The following DUSP16 variants were observed in gnomAD, a reference collection of about 807,000 sequenced individuals.
The protein encoded by DUSP16 is dual specificity protein phosphatase 16.
A neutral mutation model predicts 58.3 loss-of-function variants in DUSP16; 21 were observed. The ratio of observed to expected loss-of-function variants is 0.36; its 90% CI spans 0.26 to 0.52. DUSP16 has a LOEUF of 0.52. Ranked by LOEUF, DUSP16 falls within the 20% of genes least tolerant of loss-of-function variation. The pLI, the probability that DUSP16 is intolerant of heterozygous loss-of-function variation, is 0.94. For synonymous variants in DUSP16, 320 were observed against 323.8 expected, an observed-to-expected ratio of 0.99 and a Z score of 0.12; for missense variants, 726 against 819.0, an observed-to-expected ratio of 0.89 and a Z score of 1.39.
At chr12:12,542,799 C>A (rs7963695) in intron 1 of DUSP16, among the ~76,000 whole-genome samples, 9,598 of 152,118 alleles carry the variant, frequency 0.063, 439 homozygotes, top group East Asian at 0.19. Context: ...TATGCAAGAC[C>A]AAATATTTGT....
chr12:12,548,954 T>C (rs1566054177), intron 1 of DUSP16, among the ~76,000 whole-genome samples: 1 of 152,038 alleles, frequency 6.6e-6, no homozygotes, highest in Non-Finnish European at 1.5e-5. Context: ...GAGACTAGGG[T>C]GACAGACCCC....
At chr12:12,518,877 A>C (rs532196654) in intron 3 of DUSP16, among the ~76,000 whole-genome samples, 1 of 152,240 alleles carries the variant, frequency 6.6e-6, no homozygotes, top group Non-Finnish European at 1.5e-5. Flanking sequence ...TAGAGAACTG[A>C]GGAAAAGCTT....
chr12:12,545,175 A>C (rs1397211602), intron 1 of DUSP16, among the ~76,000 whole-genome samples: 1 of 152,224 alleles, frequency 6.6e-6, no homozygotes, highest in Non-Finnish European at 1.5e-5. Context: ...TGCTATTATA[A>C]ACAGCATCTA....
chr12:12,517,443 T>C (rs1944170431), intron 3 of DUSP16, among the ~76,000 whole-genome samples: 1 of 152,188 alleles, frequency 6.6e-6, no homozygotes. Flanking sequence ...TAAGAAACTT[T>C]TGTCAATATG....
Position 12,477,148 on chromosome 12 carries a change from T to C in DUSP16, c.1683A>G (p.Thr561=), listed in dbSNP as rs759291388. 9.3e-6 allele frequency: 15 copies of C among 1,614,190 alleles called. No homozygotes were observed. The South Asian group carries it at 1.3e-4, about 14-fold the overall frequency. ...PSLTSSWYFA[T]ESSHFYSASA... is the part of the protein sequence containing the mutation. ...AGGCAGAGTAGAAGTGTGAGGACTC[T>C]GTGGCAAAATACCAGCTGCTGGTCA... Residue 561 remains threonine (T), a synonymous_variant, in exon 7 of 7, where the codon ACA becomes ACG. Coordinates refer to ENST00000298573, the MANE Select transcript of DUSP16 (RefSeq NM_030640.3). This position sits in a 1 kb window ranked among gnomAD's most constrained non-coding sequence, Gnocchi z 4.1.
intron 3 of DUSP16, among the ~76,000 whole-genome samples, chr12:12,503,501 T>C (rs964627056): frequency 6.6e-6 from 1 of 152,068 alleles, no homozygotes; most frequent in African/African-American, 2.4e-5. Context: ...TTTGTTACGG[T>C]GATCAAACAT....
chr12:12,504,167 C>T (rs1019023290), intron 3 of DUSP16, among the ~76,000 whole-genome samples: 10 of 152,208 alleles, frequency 6.6e-5, no homozygotes, highest in Non-Finnish European at 1.5e-4. Flanking sequence ...GCTTTTCTTA[C>T]ACCTACCCAA....
At chr12:12,541,583 T>A (rs776481463) in intron 1 of DUSP16, among the ~76,000 whole-genome samples, 1 of 152,114 alleles carries the variant, frequency 6.6e-6, no homozygotes, top group Non-Finnish European at 1.5e-5. Context: ...GAGCTGTCTG[T>A]CTAGACCCAT....
intron 1 of DUSP16, among the ~76,000 whole-genome samples, chr12:12,556,879 C>T (rs1331005376): frequency 6.6e-6 from 1 of 152,102 alleles, no homozygotes; most frequent in African/African-American, 2.4e-5. Flanking sequence ...CATCCCTTAC[C>T]CTATTTTACC....
chr12:12,534,908 AT>A (rs1944443648), intron 1 of DUSP16, among the ~76,000 whole-genome samples: 2 of 152,216 alleles, frequency 1.3e-5, no homozygotes, highest in South Asian at 4.1e-4. Context: ...TCAATTCAAT[AT>A]TTTACATTTA....
rs532483880 is a variant in DUSP16, at chr12:12,559,422, T to C, written c.-366+2695A>G. 2.0e-3 allele frequency among the ~76,000 whole-genome samples: 306 copies of C among 152,358 alleles called. 1 individual carries two copies. The highest frequency in any genetic ancestry group is 2.4e-3 in the Non-Finnish European group (162 of 68,030). ...TCCTCTAAGTTATCTCCTTATTTTC[T>C]TGGGATTCTGATCCAAATCAGTTCA... On this transcript the variant is annotated intron_variant, in intron 1 of 6. Coordinates refer to ENST00000298573, the MANE Select transcript of DUSP16 (RefSeq NM_030640.3).
At chr12:12,523,131 G>A (rs1246552568) in intron 1 of DUSP16, among the ~76,000 whole-genome samples, 1 of 152,200 alleles carries the variant, frequency 6.6e-6, no homozygotes, top group East Asian at 1.9e-4. Context: ...ATAAAGAGAT[G>A]TAGCTTTGCC....
chr12:12,480,163 A>T, intron 6 of DUSP16, 60 bp downstream of exon 6: 1 of 1,591,042 alleles, frequency 6.3e-7, no homozygotes. Context: ...CATCCTCATC[A>T]TTCTTTATGT....
intron 1 of DUSP16, 66 bp from the exon 2 acceptor site, chr12:12,521,529 TAG>T (rs1475068472): frequency 2.2e-5 from 15 of 684,240 alleles, no homozygotes; most frequent in African/African-American, 9.7e-5. Context: ...AGTGTCAGAT[TAG>T]AGAGAGTGTA....
In DUSP16 at chr12:12,536,746, C is replaced by CA. The variant is rs532644437; in HGVS notation, c.-365-15284dup. Among the ~76,000 whole-genome samples, 1,187 of 140,048 alleles carry CA rather than the reference C, an allele frequency of 8.5e-3. 5 individuals carry two copies. Among genetic ancestry groups the CA allele is most frequent in the South Asian group, 0.021 (84 of 3,932 alleles). 91.9% of individuals were successfully genotyped at this position (140,048 alleles called of 152,430 possible). A position where few individuals can be genotyped will look rare whatever the true frequency, so the allele number is the denominator to read the frequency against. On this transcript the variant is annotated intron_variant, in intron 1 of 6. Transcript: ENST00000298573. ...GGGCAACAAGAACGAAACTCCATCT[C>CA]AAAAAAAAAACGCCGATGCGGTGGC...
intron 1 of DUSP16, among the ~76,000 whole-genome samples, chr12:12,559,319 C>G (rs1235879940): frequency 6.6e-6 from 1 of 152,174 alleles, no homozygotes; most frequent in Non-Finnish European, 1.5e-5. Context: ...AATCAAGCAC[C>G]AACTATGGTT....
chr12:12,495,773 GCATTTGCCCATC>G (rs1399156041), intron 4 of DUSP16, among the ~76,000 whole-genome samples: 15 of 152,254 alleles, frequency 9.9e-5, no homozygotes, highest in African/African-American at 3.6e-4. Flanking sequence ...GACTAATTTT[GCATTTGCCCATC>G]CATTTGCCTT....
At position 12,474,974 on chromosome 12, in the gene DUSP16, T is replaced by G. The variant is rs1410713910; in HGVS notation, c.*1859A>C. On this transcript the variant is annotated 3_prime_UTR_variant, in exon 7 of 7. Transcript: ENST00000298573. ...ACAATGCGGCTGACCCTCTTCTGCC[T>G]TCACTTTACACCCCATCATAGCACA... 1 of 152,208 alleles carries G rather than the reference T, an allele frequency of 6.6e-6. No individual in the cohort carries two copies. The highest frequency in any genetic ancestry group is 2.4e-5 in the African/African-American group (1 of 41,438). 9.4% of individuals were successfully genotyped at this position (152,208 alleles called of 1,614,324 possible).
chr12:12,525,534 G>C (rs1302458203), intron 1 of DUSP16, among the ~76,000 whole-genome samples: 1 of 151,910 alleles, frequency 6.6e-6, no homozygotes, highest in East Asian at 2.0e-4. Context: ...AAAGTGCTGG[G>C]ATTACAGGTG....
Sources: allele counts gnomAD v4.1 joint callset (sites outside exome capture counted in the v4.1 genomes callset), GRCh38; gene constraint gnomAD v4.1.1; non-coding constraint Gnocchi (gnomAD v3.1); transcripts MANE v1.5; gene names NCBI Gene and HGNC (gene_info 2026-07-23, HGNC 2026-07-21).